The following INPP5A variants were observed in gnomAD, a reference collection of about 807,000 sequenced individuals.
INPP5A encodes 43 kDa inositol polyphosphate 5-phophatase.
A neutral mutation model predicts 65.2 loss-of-function variants in INPP5A; 14 were observed. The observed-to-expected ratio is 0.21, with a 90% CI of 0.14 to 0.34. The LOEUF (loss-of-function observed/expected upper bound fraction) is 0.34, where lower values mean the gene tolerates loss of function less well. INPP5A is among the 10% of genes least tolerant of loss of function. The probability of loss-of-function intolerance (pLI) is 1.00; values close to 1 mark genes in which losing one functional copy is unlikely to be tolerated. For synonymous variants in INPP5A, 207 were observed against 208.3 expected, an observed-to-expected ratio of 0.99 and a Z score of 0.05; for missense variants, 431 against 545.6, an observed-to-expected ratio of 0.79 and a Z score of 2.09.
At chr10:132,643,144 GT>G (rs910063691) in intron 2 of INPP5A, among the ~76,000 whole-genome samples, 2 of 152,000 alleles carry the variant, frequency 1.3e-5, no homozygotes, top group African/African-American at 4.8e-5. Flanking sequence ...ATATAGGGGG[GT>G]TTTTTTCTCC....
intron 12 of INPP5A, among the ~76,000 whole-genome samples, chr10:132,775,734 T>C (rs1338272287): frequency 1.3e-5 from 2 of 152,146 alleles, no homozygotes; most frequent in African/African-American, 4.8e-5. Context: ...TGTTCTCTCT[T>C]GCTCATCCCC....
chr10:132,690,223 T>C (rs1845235848), intron 4 of INPP5A, among the ~76,000 whole-genome samples, 169 bp from the exon 5 acceptor site: 1 of 152,250 alleles, frequency 6.6e-6, no homozygotes, highest in Non-Finnish European at 1.5e-5. Context: ...TTTGGGTGTT[T>C]GCAGGTTACC....
rs1355936800 is a variant in INPP5A at position 132,550,126 on chromosome 10, A to G, written c.75+11955A>G. On this transcript the variant is annotated intron_variant, in intron 1 of 15. Coordinates refer to ENST00000368594, the MANE Select transcript of INPP5A (RefSeq NM_005539.5). This position sits in a 1 kb window ranked among gnomAD's most constrained non-coding sequence, Gnocchi z 4.2. ...TAACCGGGCATTAGGGGATGGGGTC[A>G]GGCTCGAGTTACTAACCAGGCAGTA... 1.3e-5 allele frequency among the ~76,000 whole-genome samples: 2 copies of G among 152,068 alleles called. No individual in the cohort carries two copies. The highest frequency in any genetic ancestry group is 3.9e-4 in the East Asian group (2 of 5,182).
At chr10:132,656,913 G>T (rs1022847488) in intron 4 of INPP5A, among the ~76,000 whole-genome samples, 16 of 152,218 alleles carry the variant, frequency 1.1e-4, no homozygotes, top group Admixed American at 6.5e-4. Flanking sequence ...CCATGTGCCA[G>T]GAGTCTCTGG....
In INPP5A at chr10:132,683,571, C is replaced by G. The variant is rs947546029; in HGVS notation, c.307-6821C>G. 3.3e-5 allele frequency among the ~76,000 whole-genome samples: 5 copies of G among 152,226 alleles called. No individual in the cohort carries two copies. The East Asian group carries it at 9.6e-4, about 29-fold the overall frequency. On this transcript the variant is annotated intron_variant, in intron 4 of 15. Transcript: ENST00000368594. ...GTATGTCTGTGTGAACACTCAGTAC[C>G]CATGTACCTGGATGCTTGTTATCTC...
intron 9 of INPP5A, among the ~76,000 whole-genome samples, chr10:132,745,682 A>G (rs1455054785): frequency 8.2e-6 from 1 of 121,628 alleles, no homozygotes; most frequent in Non-Finnish European, 1.8e-5. Flanking sequence ...GGTGGGCTTC[A>G]GGCATGGTGG....
rs138444622 is a variant in INPP5A, at chr10:132,625,044, C to T, written c.117+17088C>T. 2.6e-3 allele frequency among the ~76,000 whole-genome samples: 398 copies of T among 152,068 alleles called. 4 individuals carry two copies. The highest frequency in any genetic ancestry group is 6.4e-3 in the Admixed American group (97 of 15,270). On this transcript the variant is annotated intron_variant, in intron 2 of 15. Coordinates refer to ENST00000368594, the MANE Select transcript of INPP5A (RefSeq NM_005539.5). The stretch of plus-strand genomic sequence containing the variant: ...CACTCTCCTTGGTTGGTTGCAGGGC[C>T]TCCTGCTCCTGCCTCAGTTTTCTCA...
chr10:132,744,363 G>A (rs774007996), intron 9 of INPP5A, among the ~76,000 whole-genome samples: 14 of 152,290 alleles, frequency 9.2e-5, no homozygotes, highest in Middle Eastern at 3.4e-3. Context: ...GCAGCAGAGC[G>A]GCCGCTGTCA....
At position 132,698,670 on chromosome 10, in the gene INPP5A, C is replaced by G. The variant is rs1845384952; in HGVS notation, c.474+751C>G. On this transcript the variant is annotated intron_variant, in intron 6 of 15. Coordinates refer to ENST00000368594, the MANE Select transcript of INPP5A (RefSeq NM_005539.5). This position sits in a 1 kb window ranked among gnomAD's most constrained non-coding sequence, Gnocchi z 5.5. ...GCTGAATCACAGTGGGGTGCAGGCA[C>G]TGTGGCCAGAAGCAGCCCAGGCACT... is the stretch of plus-strand genomic sequence containing the variant. 6.6e-6 allele frequency among the ~76,000 whole-genome samples: 1 copy of G among 152,222 alleles called. No homozygotes were observed. The highest frequency in any genetic ancestry group is 2.4e-5 in the African/African-American group (1 of 41,452).
intron 8 of INPP5A, among the ~76,000 whole-genome samples, chr10:132,720,604 T>A (rs1845852862): frequency 6.6e-6 from 1 of 150,900 alleles, no homozygotes; most frequent in South Asian, 2.1e-4. Context: ...TAGACGGCTG[T>A]CTTCAGGGTT....
intron 6 of INPP5A, among the ~76,000 whole-genome samples, chr10:132,700,199 C>T (rs1283694502): frequency 3.9e-5 from 6 of 152,254 alleles, no homozygotes; most frequent in African/African-American, 1.4e-4. Flanking sequence ...GGAAAGTAGA[C>T]GATTCCTGGG....
intron 8 of INPP5A, among the ~76,000 whole-genome samples, chr10:132,711,511 T>C (rs12253110): frequency 0.083 from 12,599 of 152,202 alleles, 1,043 homozygotes; most frequent in African/African-American, 0.21. Context: ...AGTTCTGCCC[T>C]GGGGTGGTCC....
chr10:132,562,816 G>T (rs961451792), intron 1 of INPP5A, among the ~76,000 whole-genome samples: 3 of 152,190 alleles, frequency 2.0e-5, no homozygotes, highest in Non-Finnish European at 2.9e-5. Flanking sequence ...CAGCTGCAGA[G>T]GCCCCTCGAG....
At chr10:132,632,064 G>T (rs186610155) in intron 2 of INPP5A, among the ~76,000 whole-genome samples, 1 of 152,344 alleles carries the variant, frequency 6.6e-6, no homozygotes, top group Admixed American at 6.5e-5. Flanking sequence ...TCTCTTCACA[G>T]CCCTGCCTGG....
chr10:132,724,043 G>C (rs1385110229), intron 8 of INPP5A, among the ~76,000 whole-genome samples: 1 of 152,206 alleles, frequency 6.6e-6, no homozygotes, highest in Non-Finnish European at 1.5e-5. Context: ...GCTTTGCCAA[G>C]CCAAACTATA....
chr10:132,583,335 T>G (rs2071508726), intron 1 of INPP5A, among the ~76,000 whole-genome samples: 1 of 152,212 alleles, frequency 6.6e-6, no homozygotes, highest in African/African-American at 2.4e-5. Context: ...TTGTAAACAG[T>G]TGGCATTTGC....
intron 2 of INPP5A, among the ~76,000 whole-genome samples, chr10:132,609,211 A>T (rs2071907065): frequency 6.6e-6 from 1 of 152,252 alleles, no homozygotes. Flanking sequence ...TTTTGAAAAC[A>T]TATATTTACA....
chr10:132,625,105 C>G (rs1313551961), intron 2 of INPP5A, among the ~76,000 whole-genome samples: 17 of 126,036 alleles, frequency 1.3e-4, no homozygotes, highest in Non-Finnish European at 2.8e-4. Context: ...CCTTCCCTCT[C>G]TCCCTCCCCC....
chr10:132,759,158 G>A (rs1286582801), intron 11 of INPP5A, among the ~76,000 whole-genome samples: 1 of 152,212 alleles, frequency 6.6e-6, no homozygotes, highest in Admixed American at 6.5e-5. Flanking sequence ...CCTCAGTGAG[G>A]CCATGCCCGT....
Sources: gnomAD v4.1 joint callset for allele counts (sites outside exome capture counted in the v4.1 genomes callset) on GRCh38, gnomAD v4.1.1 for gene constraint, Gnocchi (gnomAD v3.1) non-coding constraint, MANE v1.5 for transcripts, NCBI Gene and HGNC (gene_info 2026-07-23, HGNC 2026-07-21) for gene names.